The following NBAS variants were observed in gnomAD, a reference collection of about 807,000 sequenced individuals.
NBAS encodes NAG/BC035112 fusion.
Under a neutral mutation model 302.5 loss-of-function variants are expected in NBAS, and 219 were observed. The ratio of observed to expected loss-of-function variants is 0.72; its 90% confidence interval spans 0.65 to 0.81. NBAS has a LOEUF of 0.81. Ranked by LOEUF, NBAS falls within the 30% of genes least tolerant of loss-of-function variation. The pLI is 0.00. For missense variants in NBAS, 2,932 were observed against 2,841.6 expected, an observed-to-expected ratio of 1.03 and a Z score of -0.72; for synonymous variants, 1,118 against 1,021.6, an observed-to-expected ratio of 1.09 and a Z score of -1.80.
Position 15,309,233 on chromosome 2 carries a change from C to T in NBAS, c.4597G>A (p.Ala1533Thr), listed in dbSNP as rs1258614354. ...FPTTEVLLQL[A>T]SEALPNDMTL... ...ATGTCATTTGGCAAGGCTTCACTTG[C>T]TAGTTGCAAGAGAACTGAATGCAGA... Residue 1533 changes from alanine to threonine, a missense_variant, in exon 39 of 52, where the codon GCA (alanine) becomes ACA (threonine). Physicochemically the swap from Ala to Thr is moderately conservative, Grantham distance 58. Coordinates refer to ENST00000281513, the MANE Select transcript of NBAS (RefSeq NM_015909.4). The T allele has an allele frequency of 2.5e-6, 4 of 1,611,386 alleles. No individual in the cohort carries two copies. The highest frequency in any genetic ancestry group is 1.7e-6 in the Non-Finnish European group (2 of 1,178,436).
the NBAS span, among the ~76,000 whole-genome samples, chr2:15,034,012 GAAGAA>G: frequency 3.1e-3 from 159 of 51,048 alleles, 4 homozygotes; most frequent in African/African-American, 0.015. Context: ...AGAAGAAGAA[GAAGAA>G]GAAGAAGAAG....
chr2:15,214,819 T>C (rs1216299132), intron 48 of NBAS, among the ~76,000 whole-genome samples: 1 of 152,212 alleles, frequency 6.6e-6, no homozygotes, highest in East Asian at 1.9e-4. Context: ...AGGGTTAATA[T>C]GTCCCTGAAC....
intron 35 of NBAS, among the ~76,000 whole-genome samples, chr2:15,345,951 A>G (rs769513908): frequency 2.0e-5 from 3 of 152,224 alleles, no homozygotes; most frequent in Non-Finnish European, 4.4e-5. Flanking sequence ...CTGGCTAGCC[A>G]TATGAGGAAA....
At chr2:15,302,098 G>A (rs765527329) in intron 40 of NBAS, among the ~76,000 whole-genome samples, 1 of 152,196 alleles carries the variant, frequency 6.6e-6, no homozygotes, top group Non-Finnish European at 1.5e-5. Flanking sequence ...ATGAAAGACT[G>A]AATTAAGGTG....
chr2:15,558,486 CACATT>C (rs1573015509), intron 2 of NBAS, 89 bp downstream of exon 2: 2 of 867,116 alleles, frequency 2.3e-6, no homozygotes, highest in Non-Finnish European at 3.7e-6. Flanking sequence ...TCAGATAACA[CACATT>C]ACTTTTATTA....
chr2:15,296,960 T>C (rs1297358559), intron 40 of NBAS, among the ~76,000 whole-genome samples: 1 of 152,260 alleles, frequency 6.6e-6, no homozygotes, highest in Non-Finnish European at 1.5e-5. Flanking sequence ...ATACAAATTA[T>C]CTATTCCTCT....
intron 44 of NBAS, among the ~76,000 whole-genome samples, chr2:15,261,938 G>C (rs1668871698): frequency 6.6e-6 from 1 of 152,112 alleles, no homozygotes; most frequent in East Asian, 1.9e-4. Context: ...ATCAAATGTT[G>C]ATATGAAAAT....
chr2:15,465,987 G>A (rs1352159213), intron 19 of NBAS, among the ~76,000 whole-genome samples: 1 of 152,042 alleles, frequency 6.6e-6, no homozygotes, highest in African/African-American at 2.4e-5. Context: ...TCAACATGAC[G>A]TGTTTTAAAG....
At chr2:15,270,565 G>A (rs535465017) in intron 44 of NBAS, among the ~76,000 whole-genome samples, 1 of 152,056 alleles carries the variant, frequency 6.6e-6, no homozygotes, top group Admixed American at 6.5e-5. Flanking sequence ...AGCATCCTGA[G>A]ATCAAAAGTT....
At chr2:15,142,076 C>A in the NBAS span, among the ~76,000 whole-genome samples, 2 of 152,138 alleles carry the variant, frequency 1.3e-5, no homozygotes, top group Non-Finnish European at 2.9e-5. Context: ...TATGGAATAC[C>A]CATTCATCTC....
chr2:15,066,670 C>T, the NBAS span, among the ~76,000 whole-genome samples: 5 of 152,190 alleles, frequency 3.3e-5, no homozygotes, highest in African/African-American at 4.8e-5. Context: ...ACATCTATTA[C>T]GATGGCTATT....
At chr2:15,323,404 G>T (rs571724696) in intron 38 of NBAS, among the ~76,000 whole-genome samples, 39 of 152,322 alleles carry the variant, frequency 2.6e-4, no homozygotes, top group Non-Finnish European at 5.1e-4. Flanking sequence ...GACACAGGGA[G>T]CTTTCTCTGT....
downstream of NBAS, among the ~76,000 whole-genome samples, chr2:15,162,185 A>G (rs961574918): frequency 1.3e-5 from 2 of 152,246 alleles, no homozygotes; most frequent in African/African-American, 4.8e-5. Context: ...TCTTCCAAAC[A>G]GCCCTGCCTC....
chr2:15,498,228 A>G (rs1047074002), intron 11 of NBAS, among the ~76,000 whole-genome samples: 1 of 152,226 alleles, frequency 6.6e-6, no homozygotes, highest in African/African-American at 2.4e-5. Flanking sequence ...TCAAACTACC[A>G]CAGATGCTAG....
At chr2:14,899,304 G>A in the NBAS span, among the ~76,000 whole-genome samples, 1 of 152,220 alleles carries the variant, frequency 6.6e-6, no homozygotes, top group Admixed American at 6.5e-5. Context: ...CAGTCCAGAT[G>A]GCTGAAGTCC....
the NBAS span, among the ~76,000 whole-genome samples, chr2:14,808,456 C>T: frequency 2.6e-5 from 4 of 152,118 alleles, no homozygotes; most frequent in Non-Finnish European, 5.9e-5. Flanking sequence ...GCGGGTATTT[C>T]CCATCCTATT....
chr2:15,380,579 G>A, intron 29 of NBAS, among the ~76,000 whole-genome samples: 1 of 90,288 alleles, frequency 1.1e-5, no homozygotes, highest in Admixed American at 1.1e-4. Flanking sequence ...AATAAAACAA[G>A]AGACACTGAA....
At chr2:15,338,710 C>CACACACACACACACACAT (rs1454097551) in intron 35 of NBAS, among the ~76,000 whole-genome samples, 22 of 148,856 alleles carry the variant, frequency 1.5e-4, no homozygotes, top group Non-Finnish European at 2.5e-4. Flanking sequence ...CACACACACA[C>CACACACACACACACACAT]ATCAAATTAG....
chr2:15,331,265 G>C (rs1291870935), intron 35 of NBAS, among the ~76,000 whole-genome samples: 1 of 152,156 alleles, frequency 6.6e-6, no homozygotes, highest in East Asian at 1.9e-4. Context: ...GTAATTAATA[G>C]TGTTTGATGG....
Sources: allele counts gnomAD v4.1 joint callset (sites outside exome capture counted in the v4.1 genomes callset), GRCh38; gene constraint gnomAD v4.1.1; transcripts MANE v1.5; gene names NCBI Gene and HGNC (gene_info 2026-07-23, HGNC 2026-07-21).